Variants in TEP1 observed in about 807,000 individuals in gnomAD.
TEP1 encodes telomerase associated protein 1, also known as telomerase protein component 1.
Under a neutral mutation model 306.3 loss-of-function variants are expected in TEP1, and 241 were observed. That is an observed-to-expected ratio of 0.79 (90% CI 0.71 to 0.88). TEP1 has a LOEUF of 0.88. Ranked by LOEUF, TEP1 falls within the 40% of genes least tolerant of loss-of-function variation. The pLI is 0.00. For synonymous variants in TEP1, 1,289 were observed against 1,305.5 expected (o/e 0.99, Z 0.27); for missense variants, 3,051 against 3,276.1 (o/e 0.93, Z 1.68).
chr14:20,381,379 G>T lies in TEP1; in HGVS notation c.4581C>A (p.Asp1527Glu), dbSNP rs533792806. The T allele has an allele frequency of 6.2e-7, 1 of 1,614,028 alleles. No individual in the cohort carries two copies. The highest frequency in any genetic ancestry group is 8.5e-7 in the Non-Finnish European group (1 of 1,180,034). ...TTCGGAAGGTGCCTGAGGCATCAGC[G>T]TCACATGTCTTCCAGAGCTGAGCTG... ...LIAAQLWKTC[D>E]ADASGTFRSC... The change falls in exon 32 of 55, where the codon GAC becomes GAA. Residue 1527 changes from aspartate (D) to glutamate (E), a missense_variant. Transcript: ENST00000262715. This position sits in a 1 kb window ranked among gnomAD's most constrained non-coding sequence, Gnocchi z 4.0.
At chr14:20,397,554 T>C (rs1428975180) in intron 9 of TEP1, among the ~76,000 whole-genome samples, 1 of 152,190 alleles carries the variant, frequency 6.6e-6, no homozygotes, top group African/African-American at 2.4e-5. Context: ...ATGACGAATG[T>C]ATGTAAATCC....
At chr14:20,376,400 G>T in intron 41 of TEP1, 136 bp from the exon 42 acceptor site, 2 of 914,294 alleles carry the variant, frequency 2.2e-6, no homozygotes, top group Non-Finnish European at 3.3e-6. Context: ...GATGCAGGGA[G>T]TCACAAGGCT....
intron 28 of TEP1, 57 bp downstream of exon 28, chr14:20,382,566 C>T (rs992950883): frequency 6.3e-7 from 1 of 1,599,216 alleles, no homozygotes; most frequent in Non-Finnish European, 8.6e-7. Context: ...TGAGACAAAG[C>T]AGCTGAAGAG....
rs570672845 is a variant in TEP1 at position 20,410,020 on chromosome 14, CAAAAAAAAAAAAAAAA to C, written c.-24-1573_-24-1558del. Among the ~76,000 whole-genome samples, 431 of 58,964 alleles carry C rather than the reference CAAAAAAAAAAAAAAAA, an allele frequency of 7.3e-3. 7 individuals are homozygous for C. Among genetic ancestry groups the C allele is most frequent in the African/African-American group, 0.025 (368 of 14,974 alleles). The allele number at this position is 58,964 out of a possible 152,430, so 38.7% of individuals were successfully genotyped here. A position where few individuals can be genotyped will look rare whatever the true frequency, so the allele number is the denominator to read the frequency against. On this transcript the variant is annotated intron_variant, in intron 1 of 54. Transcript: ENST00000262715. ...TGGGCGACAGAGCAAGACTCTGTCT[CAAAAAAAAAAAAAAAA>C]AAAAAAAAAAAAAAAAAAAATGCCT... is the stretch of plus-strand genomic sequence containing the variant.
At chr14:20,412,667 A>AC (rs1879762750) in intron 1 of TEP1, among the ~76,000 whole-genome samples, 1 of 118,404 alleles carries the variant, frequency 8.4e-6, no homozygotes, top group Non-Finnish European at 1.8e-5. Flanking sequence ...ATTAATACCC[A>AC]CCTCACTCTT....
chr14:20,387,097 G>C (rs1294353276), intron 18 of TEP1, among the ~76,000 whole-genome samples: 1 of 151,192 alleles, frequency 6.6e-6, no homozygotes, highest in African/African-American at 2.4e-5. Context: ...ACCACACCTG[G>C]CTAATTTTGT....
intron 42 of TEP1, 33 bp from the exon 43 acceptor site, chr14:20,375,901 G>T: frequency 1.3e-6 from 2 of 1,569,806 alleles, no homozygotes; most frequent in Non-Finnish European, 8.8e-7. Context: ...GAGCAATCAG[G>T]ACCAAAGGAA....
At chr14:20,371,157 G>A (rs759843238) in intron 51 of TEP1, 61 bp downstream of exon 51, 12 of 1,441,624 alleles carry the variant, frequency 8.3e-6, no homozygotes, top group Admixed American at 3.4e-5. Flanking sequence ...CGGGCCCCAA[G>A]GTGTAAAAAC....
In TEP1 at chr14:20,367,430, A is replaced by G. The variant is rs1884537823; in HGVS notation, c.*1007T>C. ...CAGAGTTCATGGCTATGATTGTGCCACCTCTCAATTAGTTTTAATCTTTGT... is the reference window on the plus strand; with the variant it reads ...CAGAGTTCATGGCTATGATTGTGCCGCCTCTCAATTAGTTTTAATCTTTGT... On this transcript the variant is annotated 3_prime_UTR_variant, in exon 55 of 55. Transcript: ENST00000262715. 1 of 151,722 alleles carries G rather than the reference A, an allele frequency of 6.6e-6. No individual in the cohort carries two copies. Among genetic ancestry groups the G allele is most frequent in the African/African-American group, 2.4e-5 (1 of 41,312 alleles). The allele number at this position is 151,722 out of a possible 1,614,324, so 9.4% of individuals were successfully genotyped here. A position where few individuals can be genotyped will look rare whatever the true frequency, so the allele number is the denominator to read the frequency against.
intron 39 of TEP1, 67 bp downstream of exon 39, chr14:20,377,957 C>G: frequency 1.3e-6 from 2 of 1,576,424 alleles, no homozygotes; most frequent in Non-Finnish European, 8.7e-7. Context: ...ACCCCCACCC[C>G]CACCAAGATA....
intron 16 of TEP1, 70 bp from the exon 17 acceptor site, chr14:20,389,367 T>C (rs546062311): frequency 6.4e-7 from 1 of 1,566,990 alleles, no homozygotes; most frequent in African/African-American, 1.4e-5. Flanking sequence ...CCCACTAACA[T>C]CCCAAGATGA....
chr14:20,377,132 T>C, intron 41 of TEP1, 148 bp downstream of exon 41: 1 of 635,490 alleles, frequency 1.6e-6, no homozygotes, highest in Non-Finnish European at 2.6e-6. Context: ...GGAGAATTGC[T>C]TGAACCCAGG....
In TEP1 at chr14:20,377,495, A is replaced by G; in HGVS notation, c.5876-3T>C. On this transcript the variant is annotated splice_polypyrimidine_tract_variant and splice_region_variant and intron_variant, in intron 40 of 54. Transcript: ENST00000262715. The stretch of plus-strand genomic sequence containing the variant: ...CTGACCCTGAGCCCCCTGGGAACCT[A>G]GAGAATGAGAGAGAACAAGGGAGTA... 4 of 1,613,310 alleles carry G rather than the reference A, an allele frequency of 2.5e-6. No individual in the cohort carries two copies. Among genetic ancestry groups the G allele is most frequent in the Non-Finnish European group, 3.4e-6 (4 of 1,179,390 alleles).
Position 20,407,943 on chromosome 14 carries a change from A to T in TEP1, c.497T>A (p.Leu166Gln), listed in dbSNP as rs1188979357. ...GGCTATAGGGCAGGTTGAAAGGTCT[A>T]GTCCCTTAGAGAAATGCTGAGCCCT... ...SWRAQHFSKG[L>Q]DLSTCPIALK... The change falls in exon 2 of 55, where the codon CTA (leucine) becomes CAA (glutamine). Residue 166 changes from leucine to glutamine, a missense_variant. Coordinates refer to ENST00000262715, the MANE Select transcript of TEP1 (RefSeq NM_007110.5). The T allele has an allele frequency of 6.2e-7, 1 of 1,614,080 alleles. No homozygotes were observed. Among genetic ancestry groups the T allele is most frequent in the African/African-American group, 1.3e-5 (1 of 74,936 alleles).
intron 53 of TEP1, 54 bp downstream of exon 53, chr14:20,369,290 G>A: frequency 1.9e-6 from 3 of 1,582,728 alleles, no homozygotes; most frequent in Admixed American, 3.4e-5. Flanking sequence ...TTATAGGTGT[G>A]AGCCACTGCT....
chr14:20,390,875 C>G, intron 14 of TEP1, 63 bp downstream of exon 14: 1 of 1,610,702 alleles, frequency 6.2e-7, no homozygotes. Flanking sequence ...TACCAAATAT[C>G]TGGGCTATTC....
intron 42 of TEP1, 84 bp downstream of exon 42, chr14:20,376,019 AG>A: frequency 1.9e-6 from 3 of 1,552,612 alleles, no homozygotes; most frequent in Non-Finnish European, 2.6e-6. Context: ...AAAAAGCAGG[AG>A]GAAGCAATGG....
chr14:20,390,779 G>C, intron 14 of TEP1, 21 bp from the exon 15 acceptor site: 2 of 1,613,872 alleles, frequency 1.2e-6, no homozygotes, highest in Non-Finnish European at 1.7e-6. Flanking sequence ...GAGACTTCAT[G>C]TTATGTGGTT....
rs151111908 is a variant in TEP1, at chr14:20,371,253, G to A, written c.7282C>T (p.Leu2428=). Residue 2428 remains leucine, a synonymous_variant, in exon 51 of 55, where the codon CTG becomes TTG. Coordinates refer to ENST00000262715, the MANE Select transcript of TEP1 (RefSeq NM_007110.5). ...AGAACTCCAGGATCCTTGGGCTGCA[G>A]GACAAATATGCCATACTCCTTGTGG... ...STHKEYGIFV[L]QPKDPGVLSF... is the part of the protein sequence containing the mutation. The A allele has an allele frequency of 6.2e-6, 10 of 1,614,050 alleles. No homozygotes were observed. The African/African-American group carries it at 1.2e-4, about 19-fold the overall frequency.
Sources: allele counts gnomAD v4.1 joint callset (sites outside exome capture counted in the v4.1 genomes callset), GRCh38; gene constraint gnomAD v4.1.1; non-coding constraint Gnocchi (gnomAD v3.1); transcripts MANE v1.5; gene names NCBI Gene and HGNC (gene_info 2026-07-23, HGNC 2026-07-21).